Variants in MRPS35 observed in about 807,000 individuals in gnomAD.
MRPS35 encodes small ribosomal subunit protein mS35.
In MRPS35, 29 loss-of-function variants were observed where a neutral mutation model predicts 32.7. The ratio of observed to expected loss-of-function variants is 0.89; its 90% CI spans 0.66 to 1.21. The LOEUF is 1.21. Ranked by LOEUF, MRPS35 falls within the 50% of genes most tolerant of loss-of-function variation. The pLI, the probability that MRPS35 is intolerant of heterozygous loss-of-function variation, is 0.00. For missense variants in MRPS35, 373 were observed against 383.8 expected, an observed-to-expected ratio of 0.97 and a Z score of 0.23; for synonymous variants, 148 against 139.3, an observed-to-expected ratio of 1.06 and a Z score of -0.44.
In MRPS35 at chr12:27,724,702, C is replaced by G. The variant is rs145662822; in HGVS notation, c.522+516C>G. ...AGGTTGCAGTGAGCTGAGATCGCTC[C>G]ACTGCACTCCAACCTGGGTGACAGA... On this transcript the variant is annotated intron_variant, in intron 5 of 7. Transcript: ENST00000081029. 6.3e-3 allele frequency among the ~76,000 whole-genome samples: 952 copies of G among 152,014 alleles called. 8 individuals are homozygous for G. Among genetic ancestry groups the G allele is most frequent in the African/African-American group, 0.022 (897 of 41,448 alleles).
chr12:27,727,074 C>T (rs2061903710), intron 5 of MRPS35, among the ~76,000 whole-genome samples: 1 of 151,250 alleles, frequency 6.6e-6, no homozygotes, highest in Admixed American at 6.6e-5. Flanking sequence ...CATTCTCCTG[C>T]CTCAGCCTCC....
chr12:27,713,497 A>G (rs141387115), intron 1 of MRPS35, among the ~76,000 whole-genome samples: 3 of 152,322 alleles, frequency 2.0e-5, no homozygotes, highest in African/African-American at 7.2e-5. Flanking sequence ...CTGCGTGTAC[A>G]AGTTCCTGGA....
intron 7 of MRPS35, among the ~76,000 whole-genome samples, chr12:27,747,625 C>G (rs1440647305): frequency 6.6e-6 from 1 of 152,060 alleles, no homozygotes; most frequent in African/African-American, 2.4e-5. Flanking sequence ...CAAGGCCTTA[C>G]TTGTAATCAT....
intron 2 of MRPS35, 34 bp downstream of exon 2, chr12:27,714,854 T>C: frequency 6.4e-7 from 1 of 1,573,520 alleles, no homozygotes; most frequent in Non-Finnish European, 8.7e-7. Flanking sequence ...ATCTTAATGG[T>C]TTCTGGAGTT....
rs2061843126 is a variant in MRPS35 at position 27,714,799 on chromosome 12, T to A, written c.132T>A (p.Asn44Lys). The change falls in exon 2 of 8, where the codon AAT (asparagine) becomes AAA (lysine). Residue 44 changes from asparagine (N) to lysine (K), a missense_variant. By Grantham distance (94) the Asn-to-Lys change is moderately conservative. Transcript: ENST00000081029. ...TPSLPERTPG[N>K]ERPPRRKALP... is the part of the protein sequence containing the mutation. ...GTACAGCGGAAAGAACACCCGGAAA[T>A]GAAAGGCCACCAAGAAGAAAGGTAA... The A allele has an allele frequency of 6.2e-7, 1 of 1,611,020 alleles. No individual in the cohort carries two copies. The highest frequency in any genetic ancestry group is 2.2e-5 in the East Asian group (1 of 44,838).
At chr12:27,723,447 T>G (rs976666349) in intron 4 of MRPS35, among the ~76,000 whole-genome samples, 2 of 152,176 alleles carry the variant, frequency 1.3e-5, no homozygotes, top group African/African-American at 2.4e-5. Context: ...TCTTTCCATT[T>G]AACCCCATTG....
rs199604189 is a variant in MRPS35, at chr12:27,724,166, G to C, written c.502G>C (p.Ala168Pro). The part of the protein sequence containing the change: ...SSGPSVRNPR[A>P]RVVVLRVKLS... ...AGGACCATCTGTTCGGAACCCCAGAGCACGAGTAGTAGTCTTAAGAGTAAG... is the reference window on the plus strand; with the variant it reads ...AGGACCATCTGTTCGGAACCCCAGACCACGAGTAGTAGTCTTAAGAGTAAG... Residue 168 changes from alanine (A) to proline (P), a missense_variant, in exon 5 of 8, where the codon GCA (alanine) becomes CCA (proline). By Grantham distance (27) the Ala-to-Pro change is conservative. Transcript: ENST00000081029. 5.2e-5 allele frequency: 82 copies of C among 1,590,724 alleles called. No individual in the cohort carries two copies. The highest frequency in any genetic ancestry group is 6.7e-5 in the Non-Finnish European group (79 of 1,172,056).
chr12:27,754,981 G>A (rs1280888395), intron 7 of MRPS35, among the ~76,000 whole-genome samples, 200 bp from the exon 8 acceptor site: 1 of 151,990 alleles, frequency 6.6e-6, no homozygotes, highest in Non-Finnish European at 1.5e-5. Flanking sequence ...TCAAGCGCAG[G>A]TGCAGGTGGC....
At chr12:27,733,005 T>TCCAGC (rs2061928161) in intron 5 of MRPS35, among the ~76,000 whole-genome samples, 1 of 24,040 alleles carries the variant, frequency 4.2e-5, no homozygotes, top group Non-Finnish European at 9.6e-5. Flanking sequence ...TATATATATA[T>TCCAGC]ATATATATAT....
intron 1 of MRPS35, among the ~76,000 whole-genome samples, chr12:27,711,904 A>G: frequency 8.0e-6 from 1 of 125,238 alleles, no homozygotes; most frequent in Non-Finnish European, 1.7e-5. Flanking sequence ...AATTCTTGGA[A>G]TACTTAACTC....
intron 2 of MRPS35, 32 bp from the exon 3 acceptor site, chr12:27,716,259 T>C (rs371732936): frequency 7.4e-6 from 11 of 1,494,854 alleles, no homozygotes; most frequent in Non-Finnish European, 9.8e-6. Flanking sequence ...TGTGTTTATA[T>C]TTAAAATACT....
At chr12:27,713,861 G>A (rs1013027230) in intron 1 of MRPS35, among the ~76,000 whole-genome samples, 4 of 152,170 alleles carry the variant, frequency 2.6e-5, no homozygotes, top group African/African-American at 9.7e-5. Context: ...GCTGAGGTGG[G>A]TGGATCGCTG....
In MRPS35 at chr12:27,735,658, G is replaced by C. The variant is rs2061940733; in HGVS notation, c.632+102G>C. On this transcript the variant is annotated intron_variant, in intron 6 of 7. Coordinates refer to ENST00000081029, the MANE Select transcript of MRPS35 (RefSeq NM_021821.4). The stretch of plus-strand genomic sequence containing the variant: ...AAGAAACTATATTGAAGATGGGGGA[G>C]GGCGTAGCCTTTTCTTATTAAGCAG... 7.4e-6 allele frequency: 6 copies of C among 810,850 alleles called. No individual in the cohort carries two copies. The South Asian group carries it at 8.0e-5, about 11-fold the overall frequency. The allele number at this position is 810,850 out of a possible 1,614,324, so 50.2% of individuals were successfully genotyped here.
intron 5 of MRPS35, among the ~76,000 whole-genome samples, chr12:27,725,159 C>T (rs1282502123): frequency 6.6e-6 from 1 of 152,170 alleles, no homozygotes; most frequent in Admixed American, 6.5e-5. Context: ...AAGTGATCTT[C>T]CCACTTCCGC....
chr12:27,719,836 T>C lies in MRPS35; in HGVS notation c.350T>C (p.Val117Ala), dbSNP rs1275829294. ...KIPNFLHLTP[V>A]AIKKHCEALK... ...CCCAATTTTCTGCATTTGACTCCTG[T>C]AGCAATTAAAAAGCACTGTGAAGCC... Residue 117 changes from valine to alanine, a missense_variant, in exon 4 of 8, where the codon GTA (valine) becomes GCA (alanine). By Grantham distance (64) the Val-to-Ala change is moderately conservative (BLOSUM62 0). Transcript: ENST00000081029. 6.2e-7 allele frequency: 1 copy of C among 1,608,036 alleles called. No individual in the cohort carries two copies. The highest frequency in any genetic ancestry group is 1.1e-5 in the South Asian group (1 of 90,728).
intron 5 of MRPS35, among the ~76,000 whole-genome samples, chr12:27,731,616 T>G (rs955435703): frequency 6.6e-6 from 1 of 152,216 alleles, no homozygotes; most frequent in African/African-American, 2.4e-5. Flanking sequence ...TTGCCCAGGC[T>G]GGAGTCCAGT....
At position 27,747,894 on chromosome 12, in the gene MRPS35, ATGT is replaced by A. The variant is rs773832247; in HGVS notation, c.703-7282_703-7280del. Among the ~76,000 whole-genome samples, 4 of 152,316 alleles carry A rather than the reference ATGT, an allele frequency of 2.6e-5. No individual in the cohort carries two copies. In the East Asian group the frequency reaches 5.8e-4, roughly 22 times the overall value. On this transcript the variant is annotated intron_variant, in intron 7 of 7. Coordinates refer to ENST00000081029, the MANE Select transcript of MRPS35 (RefSeq NM_021821.4). The stretch of plus-strand genomic sequence containing the variant: ...ATCATGCCTCGAGGTTCCTTAGAAC[ATGT>A]TGTTCTAACACTAACGAGCAGTGTG...
chr12:27,726,683 A>T (rs1036646914), intron 5 of MRPS35, among the ~76,000 whole-genome samples: 1 of 152,092 alleles, frequency 6.6e-6, no homozygotes, highest in Non-Finnish European at 1.5e-5. Flanking sequence ...CTTTAGTTTT[A>T]GCCATTCTGA....
intron 5 of MRPS35, among the ~76,000 whole-genome samples, chr12:27,730,247 C>T (rs2061916407): frequency 2.0e-5 from 3 of 152,252 alleles, no homozygotes; most frequent in South Asian, 4.1e-4. Flanking sequence ...CACATTTAGT[C>T]ATCATAATTT....
Sources: allele counts gnomAD v4.1 joint callset (sites outside exome capture counted in the v4.1 genomes callset), GRCh38; gene constraint gnomAD v4.1.1; transcripts MANE v1.5; gene names NCBI Gene and HGNC (gene_info 2026-07-23, HGNC 2026-07-21).